The following CD247 variants were observed in gnomAD, a reference collection of about 807,000 sequenced individuals.
CD247 encodes the protein T-cell surface glycoprotein CD3 zeta chain.
A neutral mutation model predicts 30.0 loss-of-function variants in CD247; 13 were observed. The ratio of observed to expected loss-of-function variants is 0.43; its 90% CI spans 0.28 to 0.69. The LOEUF (loss-of-function observed/expected upper bound fraction) is 0.69, where lower values mean the gene tolerates loss of function less well. Ranked by LOEUF, CD247 falls within the 30% of genes least tolerant of loss-of-function variation. The pLI is 0.16. For synonymous variants in CD247, 72 were observed against 80.0 expected (o/e 0.90, Z 0.53); for missense variants, 193 against 212.6 (o/e 0.91, Z 0.57).
intron 1 of CD247, among the ~76,000 whole-genome samples, chr1:167,454,435 G>T (rs994918415): frequency 2.0e-5 from 3 of 152,332 alleles, no homozygotes; most frequent in Admixed American, 2.0e-4. Context: ...ATCAAAGAAG[G>T]TGTGTGCGGC....
At chr1:167,464,061 C>T (rs189668528) in intron 1 of CD247, among the ~76,000 whole-genome samples, 194 of 152,144 alleles carry the variant, frequency 1.3e-3, no homozygotes, top group African/African-American at 4.3e-3. Flanking sequence ...GAAGCCCCTA[C>T]GGTGGAAAGT....
chr1:167,475,129 T>C (rs1371586658), intron 1 of CD247, among the ~76,000 whole-genome samples: 2 of 152,150 alleles, frequency 1.3e-5, no homozygotes, highest in Non-Finnish European at 1.5e-5. Flanking sequence ...TTGCTCACCC[T>C]TGGAGGATGC....
intron 1 of CD247, among the ~76,000 whole-genome samples, chr1:167,482,814 A>G (rs2102066045): frequency 1.3e-5 from 2 of 152,276 alleles, no homozygotes; most frequent in Middle Eastern, 3.4e-3. Flanking sequence ...TATCCGGCCC[A>G]GGCTACCACA....
chr1:167,434,579 C>A, intron 5 of CD247: 1 of 361,722 alleles, frequency 2.8e-6, no homozygotes, highest in South Asian at 2.1e-5. Flanking sequence ...GGGTCACACC[C>A]AGGAGGGTGA....
intron 1 of CD247, among the ~76,000 whole-genome samples, chr1:167,443,429 G>T (rs1046323481): frequency 1.3e-5 from 2 of 152,196 alleles, no homozygotes; most frequent in African/African-American, 4.8e-5. Context: ...AAAGGCCTCT[G>T]GGGGACAAGC....
chr1:167,506,245 C>T (rs767866305), intron 1 of CD247, among the ~76,000 whole-genome samples: 2 of 26,138 alleles, frequency 7.7e-5, no homozygotes, highest in Admixed American at 5.2e-4. Context: ...CTTTTCTTTT[C>T]CTTTTCTTTT....
intron 1 of CD247, among the ~76,000 whole-genome samples, chr1:167,445,398 T>C (rs1652033139): frequency 6.6e-6 from 1 of 152,134 alleles, no homozygotes; most frequent in South Asian, 2.1e-4. Context: ...ATCCCAGGAA[T>C]AGGCCATGTG....
intron 1 of CD247, among the ~76,000 whole-genome samples, chr1:167,455,965 A>T (rs927297203): frequency 7.3e-5 from 11 of 151,588 alleles, no homozygotes; most frequent in Non-Finnish European, 1.2e-4. Context: ...CTCCTTGGGA[A>T]GCCCCGGAGA....
rs1233238817 is a variant in CD247 at position 167,431,544 on chromosome 1, T to G, written c.*137A>C. The G allele has an allele frequency of 4.9e-6, 4 of 811,214 alleles. No individual in the cohort carries two copies. Among genetic ancestry groups the G allele is most frequent in the African/African-American group, 1.7e-5 (1 of 59,784 alleles). The allele number at this position is 811,214 out of a possible 1,614,324, so 50.3% of individuals were successfully genotyped here. ...GTGTGTGAAGGTTTGGAGCTAAATA[T>G]AACCAAAGCATCCTGTACATAAAGG... On this transcript the variant is annotated 3_prime_UTR_variant, in exon 8 of 8. Coordinates refer to ENST00000362089, the MANE Select transcript of CD247 (RefSeq NM_198053.3).
chr1:167,434,490 G>T, intron 5 of CD247: 1 of 353,858 alleles, frequency 2.8e-6, no homozygotes, highest in East Asian at 7.4e-5. Flanking sequence ...CAGGAGGGGC[G>T]GGGAGGCATC....
At chr1:167,454,791 G>A (rs112008672) in intron 1 of CD247, among the ~76,000 whole-genome samples, 1 of 152,170 alleles carries the variant, frequency 6.6e-6, no homozygotes, top group African/African-American at 2.4e-5. Context: ...CTGGGCCTTG[G>A]GAGCTCAGGC....
At chr1:167,491,803 T>C (rs1364755435) in intron 1 of CD247, among the ~76,000 whole-genome samples, 3 of 151,998 alleles carry the variant, frequency 2.0e-5, no homozygotes, top group Non-Finnish European at 2.9e-5. Flanking sequence ...AGGAAGGAAA[T>C]TCAGACACAT....
chr1:167,518,036 A>ACATG (rs1655692375), intron 1 of CD247, among the ~76,000 whole-genome samples: 1 of 152,168 alleles, frequency 6.6e-6, no homozygotes, highest in Admixed American at 6.5e-5. Flanking sequence ...GCAGCACGAA[A>ACATG]CATGGCCTGG....
At position 167,467,996 on chromosome 1, in the gene CD247, C is replaced by T. The variant is rs150172016; in HGVS notation, c.59-27229G>A. Among the ~76,000 whole-genome samples, 124 of 152,094 alleles carry T rather than the reference C, an allele frequency of 8.2e-4. 1 individual carries two copies. Among genetic ancestry groups the T allele is most frequent in the African/African-American group, 2.9e-3 (120 of 41,492 alleles). On this transcript the variant is annotated intron_variant, in intron 1 of 7. Transcript: ENST00000362089. Reference sequence around the variant, plus strand: ...TAATAATAGCTTCAGTGTTCAGTGGCGAATAAATTCTAGCTCATGAAAACT... The same window carrying T: ...TAATAATAGCTTCAGTGTTCAGTGGTGAATAAATTCTAGCTCATGAAAACT...
chr1:167,455,665 C>A (rs1296605819), intron 1 of CD247, among the ~76,000 whole-genome samples: 1 of 152,254 alleles, frequency 6.6e-6, no homozygotes, highest in Non-Finnish European at 1.5e-5. Context: ...TCACACGCTG[C>A]CGCCCGCCCC....
intron 1 of CD247, among the ~76,000 whole-genome samples, chr1:167,475,969 A>C (rs1421686380): frequency 6.6e-6 from 1 of 152,228 alleles, no homozygotes; most frequent in African/African-American, 2.4e-5. Flanking sequence ...TAAATTTTGT[A>C]GGAGGGATAA....
At chr1:167,504,529 T>TTGG (rs1303237345) in intron 1 of CD247, among the ~76,000 whole-genome samples, 6 of 152,242 alleles carry the variant, frequency 3.9e-5, no homozygotes, top group African/African-American at 1.2e-4. Context: ...TTTTCTCTCA[T>TTGG]TGGTTTTAGT....
intron 1 of CD247, among the ~76,000 whole-genome samples, chr1:167,504,787 A>G (rs1655047974): frequency 6.6e-6 from 1 of 152,232 alleles, no homozygotes; most frequent in Admixed American, 6.5e-5. Context: ...GGCTTCATTA[A>G]AAAGCCCTTA....
intron 1 of CD247, among the ~76,000 whole-genome samples, chr1:167,487,718 T>C (rs776288930): frequency 5.3e-5 from 8 of 152,196 alleles, no homozygotes; most frequent in Non-Finnish European, 1.2e-4. Flanking sequence ...GTGTGGGTCC[T>C]ACTCCCACCA....
Sources: allele counts gnomAD v4.1 joint callset (sites outside exome capture counted in the v4.1 genomes callset), GRCh38; gene constraint gnomAD v4.1.1; transcripts MANE v1.5; gene names NCBI Gene and HGNC (gene_info 2026-07-23, HGNC 2026-07-21).